The following VPS13D variants were observed in gnomAD, a reference collection of about 807,000 sequenced individuals.
VPS13D encodes the protein vacuolar protein sorting 13 homolog D, also known as intermembrane lipid transfer protein VPS13D.
A neutral mutation model predicts 461.9 loss-of-function variants in VPS13D; 187 were observed. That is an observed-to-expected ratio of 0.40 (90% CI 0.36 to 0.46). VPS13D has a LOEUF of 0.46. Among genes scored for constraint, VPS13D ranks in the 20% least tolerant of loss-of-function variants. The pLI, the probability that VPS13D is intolerant of heterozygous loss-of-function variation, is 0.60. For synonymous variants in VPS13D, 1,951 were observed against 1,986.3 expected (o/e 0.98, Z 0.47); for missense variants, 4,711 against 5,364.9 (o/e 0.88, Z 3.81).
rs1640660049 is a variant in VPS13D, at chr1:12,249,301, A to G, written c.526A>G (p.Ile176Val). The G allele has an allele frequency of 6.2e-7, 1 of 1,614,058 alleles. No homozygotes were observed. Among genetic ancestry groups the G allele is most frequent in the Non-Finnish European group, 8.5e-7 (1 of 1,179,982 alleles). ...PSHPFAFGIC[I>V]KNVSMQNAVN... ...CCATCCTTTTGCTTTTGGCATCTGC[A>G]TTAAGAATGTGTCCATGCAAAATGC... Residue 176 changes from isoleucine (I) to valine (V), a missense_variant, in exon 6 of 70, where the codon ATT becomes GTT. Ile to Val is a conservative substitution (Grantham distance 29, BLOSUM62 3). Around this residue, in one of 3 missense-constraint regions of VPS13D, gnomAD observed 4,411 missense variants for 4,937.8 expected, o/e 0.89. Coordinates refer to ENST00000620676, the MANE Select transcript of VPS13D (RefSeq NM_015378.4).
At chr1:12,380,835 C>CT (rs945329061) in intron 57 of VPS13D, among the ~76,000 whole-genome samples, 1 of 152,134 alleles carries the variant, frequency 6.6e-6, no homozygotes, top group African/African-American at 2.4e-5. Context: ...TCGCCCTGAG[C>CT]TTTTTTCATC....
At chr1:12,251,876 C>T (rs537145597) in intron 6 of VPS13D, among the ~76,000 whole-genome samples, 1 of 152,276 alleles carries the variant, frequency 6.6e-6, no homozygotes, top group Admixed American at 6.5e-5. Flanking sequence ...AACCAGATGG[C>T]TTAAAGCAAC....
chr1:12,304,803 G>A, intron 26 of VPS13D, 75 bp downstream of exon 26: 1 of 1,423,588 alleles, frequency 7.0e-7, no homozygotes, highest in Admixed American at 1.8e-5. Flanking sequence ...TGAGGGGGGT[G>A]GGCATTGTGT....
chr1:12,275,912 C>G lies in VPS13D; in HGVS notation c.2324C>G (p.Pro775Arg). ...DDEYKTPLATPPNTPPPESSS... is the reference protein window; with the variant it reads ...DDEYKTPLATRPNTPPPESSS... Reference sequence around the variant, plus strand: ...GAATATAAGACCCCCCTGGCCACACCTCCTAACACCCCACCTCCCGAGTCA... The same window carrying G: ...GAATATAAGACCCCCCTGGCCACACGTCCTAACACCCCACCTCCCGAGTCA... The change falls in exon 19 of 70, where the codon CCT becomes CGT. Residue 775 changes from proline (P) to arginine (R), a missense_variant. Physicochemically the swap from Pro to Arg is moderately radical, Grantham distance 103 (BLOSUM62 -2). Coordinates refer to ENST00000620676, the MANE Select transcript of VPS13D (RefSeq NM_015378.4). 1 of 1,613,870 alleles carries G rather than the reference C, an allele frequency of 6.2e-7. No individual in the cohort carries two copies. The highest frequency in any genetic ancestry group is 8.5e-7 in the Non-Finnish European group (1 of 1,179,992).
chr1:12,384,614 CTTT>C (rs1401190330), intron 58 of VPS13D, among the ~76,000 whole-genome samples: 3 of 152,056 alleles, frequency 2.0e-5, no homozygotes, highest in Admixed American at 6.5e-5. Flanking sequence ...CACAACACCA[CTTT>C]TTATTTATTT....
At chr1:12,438,098 C>G (rs1037799160) in intron 65 of VPS13D, among the ~76,000 whole-genome samples, 1 of 152,162 alleles carries the variant, frequency 6.6e-6, no homozygotes, top group Non-Finnish European at 1.5e-5. Flanking sequence ...ATCTGTAGCT[C>G]ATCACTTATG....
rs145752527 is a variant in VPS13D, at chr1:12,363,190, G to A, written c.10391G>A (p.Cys3464Tyr). ...GTCAGACTGATGGACGTTCCCAATT[G>A]TATTTGGTCTGGAGGCTTTGAAGTC... ...LCVRLMDVPN[C>Y]IWSGGFEVNK... The change falls in exon 52 of 70, where the codon TGT (cysteine) becomes TAT (tyrosine). Residue 3464 changes from cysteine (C) to tyrosine (Y), a missense_variant. Physicochemically the swap from Cys to Tyr is radical, Grantham distance 194. Transcript: ENST00000620676. 9.9e-6 allele frequency: 16 copies of A among 1,614,188 alleles called. No homozygotes were observed. The African/African-American group carries it at 2.0e-4, about 20-fold the overall frequency.
intron 21 of VPS13D, among the ~76,000 whole-genome samples, chr1:12,285,961 T>G (rs1641955312): frequency 7.5e-6 from 1 of 132,690 alleles, no homozygotes; most frequent in Admixed American, 7.9e-5. Context: ...TCCTTTCCTT[T>G]CCTTTCCTTT....
intron 46 of VPS13D, among the ~76,000 whole-genome samples, chr1:12,351,408 A>G (rs1425304507): frequency 6.6e-6 from 1 of 152,026 alleles, no homozygotes; most frequent in East Asian, 1.9e-4. Flanking sequence ...CTCCTGCCTC[A>G]GCCTCCTGAG....
Position 12,500,437 on chromosome 1 carries a change from C to CT in VPS13D, c.12794+2814dup, listed in dbSNP as rs1311377605. ...TCATTTGTAGCCAGAAACTCATTTT[C>CT]TTTTTTTTAAGGTACCTATTTTATT... On this transcript the variant is annotated intron_variant, in intron 68 of 69. Transcript: ENST00000620676. Among the ~76,000 whole-genome samples the CT allele has an allele frequency of 3.3e-5, 5 of 151,710 alleles. No individual in the cohort carries two copies. The East Asian group carries it at 7.8e-4, about 24-fold the overall frequency.
At chr1:12,324,247 C>G (rs575972781) in intron 35 of VPS13D, among the ~76,000 whole-genome samples, 10 of 152,252 alleles carry the variant, frequency 6.6e-5, no homozygotes, top group African/African-American at 2.4e-4. Context: ...GTGGCTCATG[C>G]CTATAATCCC....
At chr1:12,309,350 A>G (rs1271046548) in intron 27 of VPS13D, among the ~76,000 whole-genome samples, 7 of 151,354 alleles carry the variant, frequency 4.6e-5, no homozygotes, top group Admixed American at 1.3e-4. Flanking sequence ...AGCTGAGATT[A>G]CAGGCGCATG....
chr1:12,256,996 C>T lies in VPS13D; in HGVS notation c.850C>T (p.Arg284Trp), dbSNP rs770439949. 10 of 1,613,924 alleles carry T rather than the reference C, an allele frequency of 6.2e-6. No individual in the cohort carries two copies. Among genetic ancestry groups the T allele is most frequent in the East Asian group, 4.5e-5 (2 of 44,888 alleles). ...AACCTCTAATACAAAGCTGCAATAC[C>T]GGCAAATCATGGAATTCCTCAAGGA... ...IPLKLSQLQY[R>W]QIMEFLKELE... Residue 284 changes from arginine (R) to tryptophan (W), a missense_variant, in exon 9 of 70, where the codon CGG becomes TGG. Physicochemically the swap from Arg to Trp is moderately radical, Grantham distance 101. Around this residue, in one of 3 missense-constraint regions of VPS13D, gnomAD observed 4,411 missense variants for 4,937.8 expected, o/e 0.89. Transcript: ENST00000620676.
At chr1:12,494,687 G>A (rs530248399) in intron 67 of VPS13D, among the ~76,000 whole-genome samples, 2 of 152,272 alleles carry the variant, frequency 1.3e-5, no homozygotes, top group South Asian at 4.1e-4. Flanking sequence ...TAAGGGAAAG[G>A]CCTGTCATCA....
At chr1:12,417,792 A>C (rs1644814527) in intron 65 of VPS13D, among the ~76,000 whole-genome samples, 1 of 152,242 alleles carries the variant, frequency 6.6e-6, no homozygotes, top group East Asian at 1.9e-4. Context: ...TTTTTTCCCC[A>C]AACTATTTTC....
chr1:12,509,048 T>A lies in VPS13D; in HGVS notation c.*24T>A, dbSNP rs1646151550. 1 of 1,612,304 alleles carries A rather than the reference T, an allele frequency of 6.2e-7. No homozygotes were observed. The highest frequency in any genetic ancestry group is 8.5e-7 in the Non-Finnish European group (1 of 1,179,304). Reference sequence around the variant, plus strand: ...GAAGCCCCGCTGCTGAGATGGGCGCTCCCGACACAGCGCAGACCCACCAGG... The same window carrying A: ...GAAGCCCCGCTGCTGAGATGGGCGCACCCGACACAGCGCAGACCCACCAGG... On this transcript the variant is annotated 3_prime_UTR_variant, in exon 70 of 70. Coordinates refer to ENST00000620676, the MANE Select transcript of VPS13D (RefSeq NM_015378.4).
At chr1:12,488,887 C>G (rs1385621144) in intron 67 of VPS13D, among the ~76,000 whole-genome samples, 2 of 152,154 alleles carry the variant, frequency 1.3e-5, no homozygotes, top group African/African-American at 4.8e-5. Flanking sequence ...ACTACACTCT[C>G]TGACTCAGAA....
At position 12,318,217 on chromosome 1, in the gene VPS13D, C is replaced by T. The variant is rs150598243; in HGVS notation, c.7294C>T (p.Arg2432Cys). 4,988 of 1,614,136 alleles carry T rather than the reference C, an allele frequency of 3.1e-3. 20 individuals are homozygous for T. Among genetic ancestry groups the T allele is most frequent in the Middle Eastern group, 3.6e-3 (22 of 6,062 alleles). Residue 2432 changes from arginine (R) to cysteine (C), a missense_variant, in exon 31 of 70, where the codon CGT becomes TGT. Coordinates refer to ENST00000620676, the MANE Select transcript of VPS13D (RefSeq NM_015378.4). Reference protein sequence around the residue: ...KQNHVTPSRHRNSSSESAIVP... With the variant: ...KQNHVTPSRHCNSSSESAIVP... ...AAATCATGTTACTCCTTCTCGCCAC[C>T]GTAACTCTAGCAGCGAATCTGCTAT...
chr1:12,384,431 T>C (rs1644323643), intron 58 of VPS13D, among the ~76,000 whole-genome samples: 2 of 152,158 alleles, frequency 1.3e-5, no homozygotes, highest in South Asian at 4.1e-4. Context: ...TTAAGGTAAC[T>C]GTGTGATATC....
Sources: gnomAD v4.1 joint callset for allele counts (sites outside exome capture counted in the v4.1 genomes callset) on GRCh38, gnomAD v4.1.1 for gene constraint, gnomAD v4.1.1 regional missense constraint, MANE v1.5 for transcripts, NCBI Gene and HGNC (gene_info 2026-07-23, HGNC 2026-07-21) for gene names.